CNTN5: variants seen among roughly 807,000 people sequenced by gnomAD.
CNTN5 encodes contactin 5.
Under a neutral mutation model 129.1 loss-of-function variants are expected in CNTN5, and 77 were observed. The observed-to-expected ratio is 0.60, with a 90% CI of 0.50 to 0.72. CNTN5 has a LOEUF of 0.72. Among genes scored for constraint, CNTN5 ranks in the 30% least tolerant of loss-of-function variants. CNTN5 has a pLI of 0.00. For missense variants in CNTN5, 1,478 were observed against 1,328.8 expected (o/e 1.11, Z -1.75); for synonymous variants, 509 against 465.6 (o/e 1.09, Z -1.20).
At chr11:100,295,764 G>A (rs1288248904) in intron 18 of CNTN5, among the ~76,000 whole-genome samples, 2 of 151,066 alleles carry the variant, frequency 1.3e-5, no homozygotes, top group East Asian at 3.9e-4. Flanking sequence ...TATGATCATA[G>A]GAATGATGTC....
intron 3 of CNTN5, among the ~76,000 whole-genome samples, chr11:99,751,044 A>G (rs571244940): frequency 2.0e-5 from 3 of 152,168 alleles, no homozygotes; most frequent in Non-Finnish European, 2.9e-5. Context: ...TTCATCCCTC[A>G]CGATTATAAC....
intron 2 of CNTN5, among the ~76,000 whole-genome samples, chr11:99,495,475 T>C (rs1250010942): frequency 1.3e-5 from 2 of 152,222 alleles, no homozygotes; most frequent in East Asian, 1.9e-4. Flanking sequence ...AGCAAGTCTT[T>C]GTTATGGCCC....
At chr11:99,597,784 A>C (rs1950170826) in intron 3 of CNTN5, among the ~76,000 whole-genome samples, 1 of 152,046 alleles carries the variant, frequency 6.6e-6, no homozygotes. Context: ...GATTACTTCT[A>C]CCTCACATTT....
At chr11:99,347,068 A>T (rs1937942415) in intron 2 of CNTN5, among the ~76,000 whole-genome samples, 1 of 152,234 alleles carries the variant, frequency 6.6e-6, no homozygotes, top group Non-Finnish European at 1.5e-5. Flanking sequence ...TCATTGTATC[A>T]GATCTGAGAG....
In CNTN5 at chr11:100,236,991, A is replaced by C. The variant is rs377742223; in HGVS notation, c.2005+12179A>C. 8.6e-4 allele frequency among the ~76,000 whole-genome samples: 131 copies of C among 152,072 alleles called. 1 individual carries two copies. Among genetic ancestry groups the C allele is most frequent in the South Asian group, 4.6e-3 (22 of 4,818 alleles). On this transcript the variant is annotated intron_variant, in intron 16 of 24. Coordinates refer to ENST00000524871, the MANE Select transcript of CNTN5 (RefSeq NM_014361.4). Reference sequence around the variant, plus strand: ...GATCACGAGGTCAGAAGATGGAGACAATCCTGGCTAACACAGTGAAACCCC... The same window carrying C: ...GATCACGAGGTCAGAAGATGGAGACCATCCTGGCTAACACAGTGAAACCCC...
In CNTN5 at chr11:100,356,498, A is replaced by G. The variant is rs1335488058; in HGVS notation, c.*278A>G. 3 of 421,636 alleles carry G rather than the reference A, an allele frequency of 7.1e-6. No homozygotes were observed. Among genetic ancestry groups the G allele is most frequent in the Non-Finnish European group, 8.5e-6 (2 of 236,386 alleles). The allele number at this position is 421,636 out of a possible 1,614,324, so 26.1% of individuals were successfully genotyped here. On this transcript the variant is annotated 3_prime_UTR_variant, in exon 25 of 25. Coordinates refer to ENST00000524871, the MANE Select transcript of CNTN5 (RefSeq NM_014361.4). ...AACAAAGGTAATTTCTGTCAAATGT[A>G]TTCTTTACTTTTTTAATATGTTGGG...
chr11:99,392,466 T>G (rs977531164), intron 2 of CNTN5, among the ~76,000 whole-genome samples: 1 of 151,810 alleles, frequency 6.6e-6, no homozygotes. Context: ...TGCTGGAGTA[T>G]CTCCAGTATT....
Position 99,279,487 on chromosome 11 carries a change from T to A in CNTN5, c.-209-45859T>A, listed in dbSNP as rs188929889. The stretch of plus-strand genomic sequence containing the variant: ...TCTGCTAATGAGGAATGCCAGTAAC[T>A]CCTAGTTCCTGACACTGCTTTCCAA... On this transcript the variant is annotated intron_variant, in intron 1 of 24. Transcript: ENST00000524871. Among the ~76,000 whole-genome samples, 20 of 151,906 alleles carry A rather than the reference T, an allele frequency of 1.3e-4. No homozygotes were observed. The Admixed American group carries it at 1.3e-3, about 10-fold the overall frequency.
chr11:99,396,371 C>T (rs2136199829), intron 2 of CNTN5, among the ~76,000 whole-genome samples: 1 of 151,544 alleles, frequency 6.6e-6, no homozygotes, highest in Non-Finnish European at 1.5e-5. Flanking sequence ...TATAGAGAAA[C>T]TCTGTGGTCT....
chr11:99,207,675 T>C (rs1859552415), intron 1 of CNTN5, among the ~76,000 whole-genome samples: 1 of 152,156 alleles, frequency 6.6e-6, no homozygotes, highest in Non-Finnish European at 1.5e-5. Context: ...ATTGAAAACA[T>C]CAAAAAATAA....
At chr11:100,318,244 A>G (rs866177522) in intron 21 of CNTN5, among the ~76,000 whole-genome samples, 12,202 of 133,564 alleles carry the variant, frequency 0.091, 999 homozygotes, top group East Asian at 0.33. Flanking sequence ...CTGTCTCAGA[A>G]AAAAAAAAAA....
intron 8 of CNTN5, among the ~76,000 whole-genome samples, chr11:99,989,346 G>C (rs1938897715): frequency 6.6e-6 from 1 of 152,020 alleles, no homozygotes; most frequent in Non-Finnish European, 1.5e-5. Flanking sequence ...TTTCAAAGAA[G>C]TGTTATTGGC....
At chr11:100,035,029 G>C (rs1437345926) in intron 9 of CNTN5, among the ~76,000 whole-genome samples, 1 of 151,948 alleles carries the variant, frequency 6.6e-6, no homozygotes, top group African/African-American at 2.4e-5. Flanking sequence ...GTGCAGGTTT[G>C]TTACATATGG....
chr11:99,659,176 A>G (rs1952505015), intron 3 of CNTN5, among the ~76,000 whole-genome samples: 1 of 152,178 alleles, frequency 6.6e-6, no homozygotes, highest in Non-Finnish European at 1.5e-5. Flanking sequence ...GGCAGCAGCC[A>G]TATCCTGTTA....
At chr11:99,070,310 T>G (rs1865291917) in intron 1 of CNTN5, among the ~76,000 whole-genome samples, 1 of 152,172 alleles carries the variant, frequency 6.6e-6, no homozygotes, top group South Asian at 2.1e-4. Context: ...AAGGGAGTTT[T>G]GGTTTCATTT....
At chr11:99,379,062 T>G (rs956137397) in intron 2 of CNTN5, among the ~76,000 whole-genome samples, 8 of 152,004 alleles carry the variant, frequency 5.3e-5, no homozygotes, top group African/African-American at 1.9e-4. Context: ...CCTATTTAAT[T>G]TTCTAGTCTG....
chr11:99,632,119 G>C (rs1352868760), intron 3 of CNTN5, among the ~76,000 whole-genome samples: 1 of 151,942 alleles, frequency 6.6e-6, no homozygotes, highest in African/African-American at 2.4e-5. Context: ...AATAAGTGGG[G>C]ATACTGTATC....
rs921432495 is a variant in CNTN5, at chr11:99,843,246, T to A, written c.278-1606T>A. Among the ~76,000 whole-genome samples the A allele has an allele frequency of 2.6e-5, 4 of 152,098 alleles. No homozygotes were observed. In the East Asian group the frequency reaches 7.7e-4, roughly 29 times the overall value. On this transcript the variant is annotated intron_variant, in intron 4 of 24. Coordinates refer to ENST00000524871, the MANE Select transcript of CNTN5 (RefSeq NM_014361.4). ...AAAACAAACAAACAAAAAACTTGCA[T>A]CTAGGTTATCTAGGATTCAAAGAAA...
chr11:99,420,753 C>T (rs1005817745), intron 2 of CNTN5, among the ~76,000 whole-genome samples: 1 of 152,138 alleles, frequency 6.6e-6, no homozygotes, highest in African/African-American at 2.4e-5. Flanking sequence ...ACTGTCAGGT[C>T]TTGTGGTTAC....
Sources: allele counts gnomAD v4.1 joint callset (sites outside exome capture counted in the v4.1 genomes callset), GRCh38; gene constraint gnomAD v4.1.1; transcripts MANE v1.5; gene names NCBI Gene and HGNC (gene_info 2026-07-23, HGNC 2026-07-21).